The following CTNND2 variants were observed in gnomAD, a reference collection of about 807,000 sequenced individuals.
The protein encoded by CTNND2 is catenin delta 2.
A neutral mutation model predicts 144.4 loss-of-function variants in CTNND2; 22 were observed. The ratio of observed to expected loss-of-function variants is 0.15; its 90% CI spans 0.11 to 0.22. CTNND2 has a LOEUF of 0.22. Ranked by LOEUF, CTNND2 falls within the 10% of genes least tolerant of loss-of-function variation. The pLI, the probability that CTNND2 is intolerant of heterozygous loss-of-function variation, is 1.00. For missense variants in CTNND2, 1,353 were observed against 1,618.8 expected (o/e 0.84, Z 2.82); for synonymous variants, 751 against 695.6 (o/e 1.08, Z -1.25).
chr5:10,978,524 G>A (rs984588474), intron 21 of CTNND2, among the ~76,000 whole-genome samples: 4 of 152,162 alleles, frequency 2.6e-5, no homozygotes, highest in African/African-American at 9.7e-5. Flanking sequence ...TCTCTTTGGT[G>A]GACGTTTAAA....
intron 9 of CTNND2, among the ~76,000 whole-genome samples, chr5:11,324,205 T>C (rs1752314587): frequency 6.6e-6 from 1 of 151,992 alleles, no homozygotes; most frequent in African/African-American, 2.4e-5. Context: ...GGACCCAGAG[T>C]AGGCCCTGGT....
chr5:11,774,600 G>T (rs1467379864), intron 1 of CTNND2, among the ~76,000 whole-genome samples: 1 of 151,254 alleles, frequency 6.6e-6, no homozygotes, highest in Non-Finnish European at 1.5e-5. Context: ...TAAAATACTG[G>T]TTGGTATGCC....
At chr5:11,364,411 A>G (rs1756767141) in intron 8 of CTNND2, among the ~76,000 whole-genome samples, 1 of 152,272 alleles carries the variant, frequency 6.6e-6, no homozygotes. Context: ...TAAGTGAATA[A>G]CGATGGGCTT....
intron 1 of CTNND2, among the ~76,000 whole-genome samples, chr5:11,860,965 T>A (rs1795477398): frequency 6.6e-6 from 1 of 152,214 alleles, no homozygotes; most frequent in Admixed American, 6.5e-5. Flanking sequence ...TTTTCAGAAA[T>A]CTTTCTATGG....
chr5:11,732,363 A>T, intron 1 of CTNND2, 91 bp from the exon 2 acceptor site: 10 of 1,312,562 alleles, frequency 7.6e-6, no homozygotes, highest in Non-Finnish European at 1.1e-5. Flanking sequence ...ACACAGAAAA[A>T]AAAGTAAAAC....
intron 3 of CTNND2, among the ~76,000 whole-genome samples, chr5:11,480,766 A>G (rs1768176181): frequency 6.6e-6 from 1 of 152,070 alleles, no homozygotes; most frequent in African/African-American, 2.4e-5. Context: ...CAGTGTCTAG[A>G]AGGCAGGTAG....
At chr5:11,021,389 C>G (rs540265270) in intron 17 of CTNND2, among the ~76,000 whole-genome samples, 1 of 152,044 alleles carries the variant, frequency 6.6e-6, no homozygotes, top group Non-Finnish European at 1.5e-5. Flanking sequence ...GAAAGCATTA[C>G]CATATTAAGA....
At chr5:11,367,818 G>T (rs964559526) in intron 7 of CTNND2, among the ~76,000 whole-genome samples, 3 of 152,192 alleles carry the variant, frequency 2.0e-5, no homozygotes, top group African/African-American at 7.2e-5. Context: ...AGGGGAAGTA[G>T]ATCCACAGAC....
intron 9 of CTNND2, among the ~76,000 whole-genome samples, chr5:11,301,306 C>T (rs572426505): frequency 1.3e-4 from 20 of 152,150 alleles, no homozygotes; most frequent in South Asian, 2.1e-4. Flanking sequence ...CATGAGCCAC[C>T]GCGCCCGGCC....
chr5:11,237,500 T>C (rs1741779023), intron 9 of CTNND2, among the ~76,000 whole-genome samples: 2 of 152,136 alleles, frequency 1.3e-5, no homozygotes, highest in South Asian at 4.1e-4. Context: ...ATTCATTTAT[T>C]TATTTTTAAC....
intron 3 of CTNND2, among the ~76,000 whole-genome samples, chr5:11,540,396 T>C (rs531594493): frequency 1.3e-5 from 2 of 152,340 alleles, no homozygotes; most frequent in Non-Finnish European, 2.9e-5. Flanking sequence ...CCTTACTCCT[T>C]GTGAGTACTT....
chr5:11,043,913 T>C (rs1243470304), intron 16 of CTNND2, among the ~76,000 whole-genome samples: 1 of 152,224 alleles, frequency 6.6e-6, no homozygotes, highest in Non-Finnish European at 1.5e-5. Context: ...GTTCAGTGTT[T>C]GAGTTTTCTC....
chr5:11,371,330 T>C (rs80328808), intron 7 of CTNND2, among the ~76,000 whole-genome samples: 3,343 of 152,332 alleles, frequency 0.022, 121 homozygotes, highest in African/African-American at 0.077. Flanking sequence ...ATACAAAAAC[T>C]AACATAACTT....
At chr5:11,240,300 CAA>C (rs1742139804) in intron 9 of CTNND2, among the ~76,000 whole-genome samples, 1 of 101,898 alleles carries the variant, frequency 9.8e-6, no homozygotes, top group Non-Finnish European at 2.1e-5. Context: ...AACACACACC[CAA>C]CACACATACA....
chr5:11,895,310 G>A (rs1449988591), intron 1 of CTNND2, among the ~76,000 whole-genome samples: 3 of 152,122 alleles, frequency 2.0e-5, no homozygotes, highest in African/African-American at 4.8e-5. Flanking sequence ...GTATTATTTC[G>A]CAGTAGAAAC....
chr5:10,990,888 C>T (rs1483420594), intron 19 of CTNND2, among the ~76,000 whole-genome samples: 1 of 152,224 alleles, frequency 6.6e-6, no homozygotes, highest in Non-Finnish European at 1.5e-5. Flanking sequence ...CCAGCCCTTG[C>T]CGATCCATCA....
At chr5:11,622,658 A>G (rs1407344655) in intron 2 of CTNND2, among the ~76,000 whole-genome samples, 1 of 152,148 alleles carries the variant, frequency 6.6e-6, no homozygotes, top group African/African-American at 2.4e-5. Context: ...ACGATCTTAC[A>G]GAGGCAAATC....
At chr5:11,684,537 T>C (rs1319402411) in intron 2 of CTNND2, among the ~76,000 whole-genome samples, 1 of 152,242 alleles carries the variant, frequency 6.6e-6, no homozygotes, top group African/African-American at 2.4e-5. Context: ...TAAATGCAGA[T>C]TTCCTTCTCC....
chr5:11,369,209 G>T (rs933522721), intron 7 of CTNND2, among the ~76,000 whole-genome samples: 2 of 152,146 alleles, frequency 1.3e-5, no homozygotes, highest in Non-Finnish European at 2.9e-5. Context: ...AATGAATGAC[G>T]TTCATAAGGA....
Sources: gnomAD v4.1 joint callset for allele counts (sites outside exome capture counted in the v4.1 genomes callset) on GRCh38, gnomAD v4.1.1 for gene constraint, MANE v1.5 for transcripts, NCBI Gene and HGNC (gene_info 2026-07-23, HGNC 2026-07-21) for gene names.